The following ASTN1 variants were observed in gnomAD, a reference collection of about 807,000 sequenced individuals.
The protein encoded by ASTN1 is astrotactin-1.
ASTN1 carries 41 observed loss-of-function variants against 140.7 expected under a neutral mutation model. That is an observed-to-expected ratio of 0.29 (90% CI 0.23 to 0.38). The LOEUF is 0.38. ASTN1 is among the 10% of genes least tolerant of loss of function. The pLI is 1.00. For missense variants in ASTN1, 1,479 were observed against 1,678.8 expected, an observed-to-expected ratio of 0.88 and a Z score of 2.08; for synonymous variants, 640 against 652.2, an observed-to-expected ratio of 0.98 and a Z score of 0.29.
At chr1:177,026,068 C>T (rs1031143755) in intron 5 of ASTN1, among the ~76,000 whole-genome samples, 1 of 152,176 alleles carries the variant, frequency 6.6e-6, no homozygotes, top group Admixed American at 6.5e-5. Context: ...CTGATGTCCT[C>T]AGGAACACAG....
intron 8 of ASTN1, among the ~76,000 whole-genome samples, chr1:176,981,081 A>AGGT (rs1013993139): frequency 6.6e-6 from 1 of 151,632 alleles, no homozygotes; most frequent in African/African-American, 2.4e-5. Flanking sequence ...GCGTGGTACC[A>AGGT]GGTGCCTGTA....
intron 1 of ASTN1, among the ~76,000 whole-genome samples, chr1:177,098,703 A>C (rs1680162218): frequency 6.6e-6 from 1 of 152,214 alleles, no homozygotes; most frequent in Non-Finnish European, 1.5e-5. Context: ...TTGAGAAAAA[A>C]ATATCGGTTA....
Position 177,025,427 on chromosome 1 carries a change from AT to A in ASTN1, c.1121-696del, listed in dbSNP as rs533900678. Among the ~76,000 whole-genome samples, 327 of 150,244 alleles carry A rather than the reference AT, an allele frequency of 2.2e-3. 1 individual carries two copies. The highest frequency in any genetic ancestry group is 3.4e-3 in the Middle Eastern group (1 of 292). ...GGAGGGAAGAGTGTTTTGTTTCTTT[AT>A]TTTTTTTGTACCATTGTTATTTTTT... On this transcript the variant is annotated intron_variant, in intron 5 of 22. Transcript: ENST00000361833.
intron 1 of ASTN1, among the ~76,000 whole-genome samples, chr1:177,105,111 GCCCATCATTT>G (rs1388357360): frequency 6.6e-6 from 1 of 152,078 alleles, no homozygotes; most frequent in Non-Finnish European, 1.5e-5. Flanking sequence ...GGAATTCTAG[GCCCATCATTT>G]CCTCACTGAT....
At chr1:176,908,277 C>G (rs893800289) in intron 16 of ASTN1, among the ~76,000 whole-genome samples, 2 of 152,118 alleles carry the variant, frequency 1.3e-5, no homozygotes, top group Non-Finnish European at 2.9e-5. Flanking sequence ...CCTGCTCAGC[C>G]AATGTGCCAG....
chr1:177,030,806 C>T lies in ASTN1; in HGVS notation c.1012G>A (p.Ala338Thr), dbSNP rs752279892. The change falls in exon 4 of 23, where the codon GCT (alanine) becomes ACT (threonine). Residue 338 changes from alanine (A) to threonine (T), a missense_variant and splice_region_variant. Transcript: ENST00000361833. ...GAGCCCTAATGTCAGACATGCATAC[C>T]TCTTGCTTTGTTGTTGATCCGCTTT... The part of the protein sequence containing the change: ...QRKRINNKAR[A>T]GSAFLNPEGD... 3.1e-6 allele frequency: 5 copies of T among 1,614,052 alleles called. No individual in the cohort carries two copies. The East Asian group carries it at 6.7e-5, about 22-fold the overall frequency.
intron 8 of ASTN1, among the ~76,000 whole-genome samples, chr1:176,994,047 T>G (rs1571619440): frequency 2.0e-5 from 2 of 100,888 alleles, no homozygotes; most frequent in South Asian, 2.9e-4. Context: ...ATGTGGTGAA[T>G]AGCCTCCGCT....
chr1:177,151,034 T>A (rs1036498803), intron 1 of ASTN1, among the ~76,000 whole-genome samples: 8 of 152,060 alleles, frequency 5.3e-5, no homozygotes, highest in Non-Finnish European at 1.2e-4. Flanking sequence ...GGAGTTGTCA[T>A]AGCAGAAAAT....
At chr1:177,010,491 A>G (rs1675237184) in intron 8 of ASTN1, among the ~76,000 whole-genome samples, 1 of 152,238 alleles carries the variant, frequency 6.6e-6, no homozygotes, top group East Asian at 1.9e-4. Context: ...TTAATAACCC[A>G]TTAGAAATCT....
chr1:177,164,096 T>A (rs1393789422), intron 1 of ASTN1, among the ~76,000 whole-genome samples: 1 of 152,012 alleles, frequency 6.6e-6, no homozygotes, highest in African/African-American at 2.4e-5. Context: ...TGCTCCTGAA[T>A]CAAAGCTGGG....
intron 2 of ASTN1, among the ~76,000 whole-genome samples, chr1:177,049,168 A>G (rs1677403527): frequency 6.6e-6 from 1 of 152,172 alleles, no homozygotes; most frequent in African/African-American, 2.4e-5. Context: ...TCACATTCCT[A>G]GAATGTGGGA....
Position 177,037,011 on chromosome 1 carries a change from G to A in ASTN1, c.472-4162C>T, listed in dbSNP as rs180680474. Among the ~76,000 whole-genome samples the A allele has an allele frequency of 7.8e-4, 118 of 152,060 alleles. 1 individual carries two copies. The highest frequency in any genetic ancestry group is 1.2e-3 in the Non-Finnish European group (80 of 67,972). On this transcript the variant is annotated intron_variant, in intron 2 of 22. Coordinates refer to ENST00000361833, the MANE Select transcript of ASTN1 (RefSeq NM_004319.3). The stretch of plus-strand genomic sequence containing the variant: ...ATATTTGTATTTTTAGTAGAGACAG[G>A]GTTTGACCATGTCGGGGAGGCTGGT...
At chr1:176,974,747 G>T (rs1571591450) in intron 8 of ASTN1, among the ~76,000 whole-genome samples, 1 of 152,288 alleles carries the variant, frequency 6.6e-6, no homozygotes, top group East Asian at 1.9e-4. Context: ...ACAAAATGTT[G>T]TACCTTTTCT....
chr1:176,887,993 C>T, intron 18 of ASTN1, 78 bp downstream of exon 18: 1 of 1,585,474 alleles, frequency 6.3e-7, no homozygotes. Flanking sequence ...TCCCAGTACC[C>T]AGCCTATTTC....
chr1:176,982,808 C>T (rs969957284), intron 8 of ASTN1, among the ~76,000 whole-genome samples: 2 of 152,178 alleles, frequency 1.3e-5, no homozygotes. Flanking sequence ...CTGTGATAGA[C>T]AACCCAGGAA....
chr1:176,894,893 C>T lies in ASTN1; in HGVS notation c.2672-63G>A, dbSNP rs1374381654. Reference sequence around the variant, plus strand: ...AAAAAAGTAAGGACTATCATGACCTCGTGGCCCCTGAGTGCTGGGGTCCAA... The same window carrying T: ...AAAAAAGTAAGGACTATCATGACCTTGTGGCCCCTGAGTGCTGGGGTCCAA... On this transcript the variant is annotated intron_variant, in intron 16 of 22. Transcript: ENST00000361833. 55 of 1,594,770 alleles carry T rather than the reference C, an allele frequency of 3.4e-5. No individual in the cohort carries two copies. The East Asian group carries it at 8.5e-4, about 25-fold the overall frequency.
chr1:177,007,646 G>A (rs735607), intron 8 of ASTN1, among the ~76,000 whole-genome samples: 53,020 of 151,902 alleles, frequency 0.35, 10,039 homozygotes, highest in Non-Finnish European at 0.43. Context: ...GGGGGTAGAC[G>A]TCTGAAATCA....
chr1:176,987,544 C>A (rs1673960475), intron 8 of ASTN1, among the ~76,000 whole-genome samples: 1 of 152,200 alleles, frequency 6.6e-6, no homozygotes, highest in Admixed American at 6.5e-5. Context: ...CTTCTGGCCA[C>A]TGCCTATATT....
At chr1:176,985,826 TTC>T (rs147146715) in intron 8 of ASTN1, among the ~76,000 whole-genome samples, 301 of 142,906 alleles carry the variant, frequency 2.1e-3, no homozygotes, top group Non-Finnish European at 3.4e-3. Context: ...ATTTTATTGG[TTC>T]TCTCTCTCTC....
Sources: allele counts gnomAD v4.1 joint callset (sites outside exome capture counted in the v4.1 genomes callset), GRCh38; gene constraint gnomAD v4.1.1; transcripts MANE v1.5; gene names NCBI Gene and HGNC (gene_info 2026-07-23, HGNC 2026-07-21).